The following NTN1 variants were observed in gnomAD, a reference collection of about 807,000 sequenced individuals.
NTN1 encodes netrin 1, also known as netrin-1.
Under a neutral mutation model 54.2 loss-of-function variants are expected in NTN1, and 11 were observed. The observed-to-expected ratio is 0.20, with a 90% confidence interval of 0.13 to 0.34. The LOEUF is 0.34. Among genes scored for constraint, NTN1 ranks in the 10% least tolerant of loss-of-function variants. NTN1 has a pLI of 1.00. For missense variants in NTN1, 740 were observed against 893.1 expected (o/e 0.83, Z 2.18); for synonymous variants, 371 against 382.0 (o/e 0.97, Z 0.33).
intron 6 of NTN1, among the ~76,000 whole-genome samples, chr17:9,225,519 C>G (rs1157051646): frequency 6.6e-6 from 1 of 152,182 alleles, no homozygotes; most frequent in Non-Finnish European, 1.5e-5. Context: ...GAGGCAAGGC[C>G]TCCAGTGGGC....
intron 6 of NTN1, among the ~76,000 whole-genome samples, chr17:9,235,750 CTTTTTTT>C (rs1163805143): frequency 7.9e-5 from 4 of 50,870 alleles, no homozygotes; most frequent in Admixed American, 2.0e-4. Flanking sequence ...TTTTTTTTTT[CTTTTTTT>C]TTTTTTTGGA....
chr17:9,195,323 C>A (rs947226361), intron 5 of NTN1, among the ~76,000 whole-genome samples: 2 of 152,186 alleles, frequency 1.3e-5, no homozygotes, highest in African/African-American at 4.8e-5. Context: ...TGCCACCAGC[C>A]TCGAGGAGGA....
chr17:9,171,883 CTTTTTTT>C (rs11429901), intron 3 of NTN1: 1 of 101,178 alleles, frequency 9.9e-6, no homozygotes, highest in Non-Finnish European at 1.9e-5. Flanking sequence ...ATCAGGCTCA[CTTTTTTT>C]TTTTTTTTTT....
At chr17:9,031,885 C>T (rs941786242) in intron 2 of NTN1, among the ~76,000 whole-genome samples, 3 of 152,076 alleles carry the variant, frequency 2.0e-5, no homozygotes, top group African/African-American at 4.8e-5. Context: ...CTCTTGAACC[C>T]GGGAGGCCGA....
chr17:9,195,141 A>G (rs1049162994), intron 5 of NTN1, among the ~76,000 whole-genome samples: 1 of 151,850 alleles, frequency 6.6e-6, no homozygotes, highest in Non-Finnish European at 1.5e-5. Flanking sequence ...GACCTGCACA[A>G]AGGGCTGGGG....
chr17:9,079,324 T>A (rs1436862746), intron 2 of NTN1, among the ~76,000 whole-genome samples: 2 of 152,222 alleles, frequency 1.3e-5, no homozygotes, highest in Non-Finnish European at 2.9e-5. Flanking sequence ...GGAAGGTTTT[T>A]CAATGTCTGA....
At chr17:9,109,699 C>A (rs2092183407) in intron 2 of NTN1, among the ~76,000 whole-genome samples, 1 of 152,142 alleles carries the variant, frequency 6.6e-6, no homozygotes, top group East Asian at 1.9e-4. Context: ...AAATTGCTTT[C>A]CGAGGTGATT....
upstream of NTN1, among the ~76,000 whole-genome samples, chr17:9,021,322 C>T (rs966934346): frequency 7.9e-5 from 12 of 152,094 alleles, no homozygotes; most frequent in Admixed American, 6.5e-4. Context: ...CTCTGCTGTT[C>T]TTTCTCGGGC....
chr17:9,154,448 T>C (rs2142291702), intron 2 of NTN1, among the ~76,000 whole-genome samples: 1 of 152,338 alleles, frequency 6.6e-6, no homozygotes, highest in East Asian at 1.9e-4. Flanking sequence ...TGATCGTTTC[T>C]CTTATGCCCA....
At chr17:9,108,230 T>C (rs7222148) in intron 2 of NTN1, among the ~76,000 whole-genome samples, 109,490 of 151,666 alleles carry the variant, frequency 0.72, 39,761 homozygotes, top group East Asian at 0.95. Context: ...CTCCCCAACC[T>C]GCTCCCCAGA....
chr17:9,136,734 T>A (rs775051584), intron 2 of NTN1, among the ~76,000 whole-genome samples: 6 of 152,242 alleles, frequency 3.9e-5, no homozygotes, highest in Non-Finnish European at 8.8e-5. Context: ...TTGGTCTTTA[T>A]GAATTCCTCC....
At chr17:9,182,508 C>T (rs2092421349) in intron 4 of NTN1, among the ~76,000 whole-genome samples, 1 of 152,236 alleles carries the variant, frequency 6.6e-6, no homozygotes, top group Non-Finnish European at 1.5e-5. Context: ...GCCATGGATC[C>T]TTCTCCACCT....
chr17:9,178,466 T>A (rs2092407858), intron 3 of NTN1, among the ~76,000 whole-genome samples: 1 of 152,164 alleles, frequency 6.6e-6, no homozygotes, highest in African/African-American at 2.4e-5. Context: ...TCCCTCCTCT[T>A]CCTAATTCTC....
At chr17:9,013,207 T>C in the NTN1 span, among the ~76,000 whole-genome samples, 23,341 of 121,464 alleles carry the variant, frequency 0.19, 2,481 homozygotes, top group East Asian at 0.5. Flanking sequence ...TTTTTTCTTT[T>C]TTCTTTTTCT....
At chr17:9,233,618 G>A (rs1905887665) in intron 6 of NTN1, among the ~76,000 whole-genome samples, 1 of 152,004 alleles carries the variant, frequency 6.6e-6, no homozygotes, top group Admixed American at 6.5e-5. Flanking sequence ...GGTCTGGACA[G>A]AGGACAGGGA....
At chr17:9,105,648 G>GTC (rs771242515) in intron 2 of NTN1, among the ~76,000 whole-genome samples, 1 of 149,782 alleles carries the variant, frequency 6.7e-6, no homozygotes, top group Non-Finnish European at 1.5e-5. Flanking sequence ...GATCTGTTCT[G>GTC]TCTCTCTCTC....
chr17:9,005,063 G>T, the NTN1 span, among the ~76,000 whole-genome samples: 1 of 152,172 alleles, frequency 6.6e-6, no homozygotes, highest in East Asian at 1.9e-4. Flanking sequence ...TCAGTAGAAG[G>T]ATCCCAGGCA....
intron 6 of NTN1, among the ~76,000 whole-genome samples, chr17:9,224,542 C>A (rs916841606): frequency 3.3e-5 from 5 of 152,220 alleles, no homozygotes; most frequent in African/African-American, 1.2e-4. Flanking sequence ...TGACACGGGC[C>A]TGGCTGGGTG....
chr17:9,092,319 CTTTTTTTTTT>C (rs148786553), intron 2 of NTN1, among the ~76,000 whole-genome samples: 9 of 91,752 alleles, frequency 9.8e-5, no homozygotes, highest in African/African-American at 3.2e-4. Context: ...CTTTTCTTCT[CTTTTTTTTTT>C]TTTTTTTTTT....
Sources: allele counts gnomAD v4.1 joint callset (sites outside exome capture counted in the v4.1 genomes callset), GRCh38; gene constraint gnomAD v4.1.1; transcripts MANE v1.5; gene names NCBI Gene and HGNC (gene_info 2026-07-23, HGNC 2026-07-21).